The following FHIT variants were observed in gnomAD, a reference collection of about 807,000 sequenced individuals.
FHIT encodes the protein bis(5'-adenosyl)-triphosphatase.
FHIT carries 19 observed loss-of-function variants against 17.9 expected under a neutral mutation model. That is an observed-to-expected ratio of 1.06 (90% CI 0.74 to 1.56). FHIT has a LOEUF of 1.56. Among genes scored for constraint, FHIT ranks in the 40% most tolerant of loss-of-function variants. The pLI, the probability that FHIT is intolerant of heterozygous loss-of-function variation, is 0.00. For missense variants in FHIT, 248 were observed against 189.2 expected (o/e 1.31, Z -1.82); for synonymous variants, 81 against 69.7 (o/e 1.16, Z -0.81).
chr3:60,936,959 C>T (rs967442328), intron 3 of FHIT, among the ~76,000 whole-genome samples: 5 of 152,102 alleles, frequency 3.3e-5, no homozygotes, highest in African/African-American at 1.2e-4. Context: ...TTACAAATGA[C>T]TAAACTGTAT....
chr3:60,537,557 G>C, intron 4 of FHIT: 26 of 599,266 alleles, frequency 4.3e-5, no homozygotes, highest in Non-Finnish European at 5.0e-5. Flanking sequence ...GAAGGAAGGA[G>C]CAAAACGGAG....
intron 1 of FHIT, among the ~76,000 whole-genome samples, chr3:61,230,470 A>G (rs142717425): frequency 6.6e-6 from 1 of 152,330 alleles, no homozygotes; most frequent in African/African-American, 2.4e-5. Context: ...TGCCAGCACC[A>G]TGCTTGTACA....
chr3:61,152,026 T>G (rs896802820), intron 2 of FHIT, among the ~76,000 whole-genome samples: 2 of 152,246 alleles, frequency 1.3e-5, no homozygotes, highest in African/African-American at 4.8e-5. Context: ...CTTTTCTTTC[T>G]TCTTTATATT....
At position 61,227,257 on chromosome 3, in the gene FHIT, T is replaced by C. The variant is rs1014518257; in HGVS notation, c.-213+24044A>G. ...CCATCAAGTCTACCATTGGGACTTA[T>C]TGTCTTTCCTTATTTCAATCCCTAG... On this transcript the variant is annotated intron_variant, in intron 1 of 9. Transcript: ENST00000492590. Among the ~76,000 whole-genome samples the C allele has an allele frequency of 5.3e-5, 8 of 152,310 alleles. No individual in the cohort carries two copies. In the South Asian group the frequency reaches 6.2e-4, roughly 12 times the overall value.
In FHIT at chr3:60,943,308, C is replaced by T. The variant is rs141610318; in HGVS notation, c.-111+98739G>A. Among the ~76,000 whole-genome samples, 225 of 152,178 alleles carry T rather than the reference C, an allele frequency of 1.5e-3. 2 individuals carry two copies. Among genetic ancestry groups the T allele is most frequent in the East Asian group, 0.011 (56 of 5,194 alleles). ...AAAGGATGCTACTAGGTAATGTAGG[C>T]TCAGGATTAACTCTTCCTGGTGAAT... is the stretch of plus-strand genomic sequence containing the variant. On this transcript the variant is annotated intron_variant, in intron 3 of 9. Transcript: ENST00000492590.
At chr3:60,952,177 C>A (rs1448808753) in intron 3 of FHIT, among the ~76,000 whole-genome samples, 10 of 138,456 alleles carry the variant, frequency 7.2e-5, no homozygotes, top group East Asian at 2.0e-4. Context: ...CCACCCCCCC[C>A]CCAAAAAAAA....
At chr3:60,971,721 C>A (rs959581654) in intron 3 of FHIT, among the ~76,000 whole-genome samples, 2 of 152,054 alleles carry the variant, frequency 1.3e-5, no homozygotes, top group Admixed American at 1.3e-4. Flanking sequence ...GGTAAGATTA[C>A]CTCATGGCTA....
At chr3:61,210,695 G>A (rs1386648092) in intron 1 of FHIT, among the ~76,000 whole-genome samples, 1 of 152,130 alleles carries the variant, frequency 6.6e-6, no homozygotes, top group East Asian at 2.0e-4. Flanking sequence ...TTTTCCAGGT[G>A]CCATCTGTCA....
At chr3:59,838,690 G>T (rs1481018468) in intron 8 of FHIT, among the ~76,000 whole-genome samples, 1 of 152,174 alleles carries the variant, frequency 6.6e-6, no homozygotes, top group Non-Finnish European at 1.5e-5. Context: ...TAACCCCTCT[G>T]TGTCTCAGGT....
chr3:60,456,668 A>T (rs2032114294), intron 5 of FHIT, among the ~76,000 whole-genome samples: 1 of 152,176 alleles, frequency 6.6e-6, no homozygotes, highest in Admixed American at 6.5e-5. Flanking sequence ...GAGGCAGATT[A>T]GAGAGGCTTC....
chr3:60,689,965 A>T (rs1424571984), intron 4 of FHIT, among the ~76,000 whole-genome samples: 1 of 152,212 alleles, frequency 6.6e-6, no homozygotes, highest in Non-Finnish European at 1.5e-5. Flanking sequence ...TGGTTTAATT[A>T]TTAACAACCA....
At chr3:59,806,818 G>A (rs1007330256) in intron 8 of FHIT, among the ~76,000 whole-genome samples, 3 of 151,984 alleles carry the variant, frequency 2.0e-5, no homozygotes, top group Admixed American at 1.3e-4. Flanking sequence ...ATTATCACTG[G>A]AGAAACAATG....
rs1705213180 is a variant in FHIT, at chr3:60,120,821, C to T, written c.104-106669G>A. Among the ~76,000 whole-genome samples the T allele has an allele frequency of 2.0e-5, 3 of 149,910 alleles. 1 individual carries two copies. The highest frequency in any genetic ancestry group is 2.1e-4 in the South Asian group (1 of 4,716). ...AAATGTCTCAGGTTATTAATTCTTA[C>T]TTTAATTATATCTCAGCTAAGTGAT... On this transcript the variant is annotated intron_variant, in intron 5 of 9. Transcript: ENST00000492590.
At chr3:60,625,583 C>T (rs2156975) in intron 4 of FHIT, among the ~76,000 whole-genome samples, 16,914 of 152,012 alleles carry the variant, frequency 0.11, 1,050 homozygotes, top group Middle Eastern at 0.19. Context: ...CTATTCAGAC[C>T]TTTTATCCAT....
intron 3 of FHIT, among the ~76,000 whole-genome samples, chr3:60,882,157 A>G (rs1269692018): frequency 2.0e-5 from 3 of 152,084 alleles, no homozygotes; most frequent in Non-Finnish European, 4.4e-5. Context: ...TTCCTAGACA[A>G]CCTAACAAGA....
chr3:60,343,502 G>C (rs1576506606), intron 5 of FHIT, among the ~76,000 whole-genome samples: 1 of 151,992 alleles, frequency 6.6e-6, no homozygotes. Flanking sequence ...GAAGAAAGGT[G>C]GTGTATTAAA....
intron 7 of FHIT, among the ~76,000 whole-genome samples, chr3:59,949,751 G>C (rs892717627): frequency 3.9e-5 from 6 of 152,180 alleles, no homozygotes; most frequent in African/African-American, 1.4e-4. Context: ...TGATCTGTGG[G>C]CTGTGTTTAC....
In FHIT at chr3:60,176,849, G is replaced by C. The variant is rs375961537; in HGVS notation, c.104-162697C>G. Among the ~76,000 whole-genome samples, 10 of 152,260 alleles carry C rather than the reference G, an allele frequency of 6.6e-5. No homozygotes were observed. The East Asian group carries it at 1.4e-3, about 21-fold the overall frequency. ...CTTTGGCTATCGAGCCATAAAATCCGTTGCTTGGAAATATGAAACCCTTTT... is the reference window on the plus strand; with the variant it reads ...CTTTGGCTATCGAGCCATAAAATCCCTTGCTTGGAAATATGAAACCCTTTT... On this transcript the variant is annotated intron_variant, in intron 5 of 9. Transcript: ENST00000492590.
At chr3:59,968,953 G>A (rs1708057040) in intron 7 of FHIT, among the ~76,000 whole-genome samples, 1 of 152,046 alleles carries the variant, frequency 6.6e-6, no homozygotes, top group South Asian at 2.1e-4. Flanking sequence ...TCTTCACTAG[G>A]GTCTCTTCAT....
Sources: gnomAD v4.1 joint callset for allele counts (sites outside exome capture counted in the v4.1 genomes callset) on GRCh38, gnomAD v4.1.1 for gene constraint, MANE v1.5 for transcripts, NCBI Gene and HGNC (gene_info 2026-07-23, HGNC 2026-07-21) for gene names.